HPSE2: variants seen among roughly 807,000 people sequenced by gnomAD.
HPSE2 encodes inactive heparanase-2.
A neutral mutation model predicts 60.5 loss-of-function variants in HPSE2; 38 were observed. That is an observed-to-expected ratio of 0.63 (90% confidence interval 0.48 to 0.82). The LOEUF (loss-of-function observed/expected upper bound fraction) is 0.82, where lower values mean the gene tolerates loss of function less well. Among genes scored for constraint, HPSE2 ranks in the 40% least tolerant of loss-of-function variants. HPSE2 has a pLI of 0.00. For synonymous variants in HPSE2, 295 were observed against 293.2 expected (o/e 1.01, Z -0.06); for missense variants, 713 against 740.4 (o/e 0.96, Z 0.43).
chr10:98,561,037 C>A (rs150996456), intron 9 of HPSE2, among the ~76,000 whole-genome samples: 36 of 152,226 alleles, frequency 2.4e-4, no homozygotes, highest in African/African-American at 8.2e-4. Context: ...CAGCCTCAGG[C>A]AGATCCTCCA....
At chr10:98,658,077 TA>T (rs370988209) in intron 6 of HPSE2, among the ~76,000 whole-genome samples, 85 of 152,142 alleles carry the variant, frequency 5.6e-4, no homozygotes, top group African/African-American at 1.9e-3. Context: ...CATCAGAGTG[TA>T]TATGGTTTGA....
chr10:98,874,969 C>A (rs886841111), intron 3 of HPSE2, among the ~76,000 whole-genome samples: 6 of 151,804 alleles, frequency 4.0e-5, no homozygotes, highest in African/African-American at 1.5e-4. Context: ...CTGACTTGAT[C>A]GTGGTGGATA....
chr10:99,293,116 C>T, the HPSE2 span, among the ~76,000 whole-genome samples: 1 of 152,032 alleles, frequency 6.6e-6, no homozygotes, highest in African/African-American at 2.4e-5. Context: ...ACTTAGCTAC[C>T]CATACCCCAC....
intron 3 of HPSE2, among the ~76,000 whole-genome samples, chr10:98,789,135 T>C (rs1950600437): frequency 6.6e-6 from 1 of 152,196 alleles, no homozygotes; most frequent in African/African-American, 2.4e-5. Context: ...TACAGCCCGG[T>C]GATACAGGGC....
rs114899345 is a variant in HPSE2 at position 98,583,898 on chromosome 10, T to C, written c.1320+31006A>G. ...ACATACCACATTTCATTTACCTCTT[T>C]ATCACCAGTTGATGAACATTTGGGC... On this transcript the variant is annotated intron_variant, in intron 9 of 11. Transcript: ENST00000370552. Among the ~76,000 whole-genome samples the C allele has an allele frequency of 3.4e-3, 524 of 152,312 alleles. 3 individuals are homozygous for C. Among genetic ancestry groups the C allele is most frequent in the African/African-American group, 0.012 (497 of 41,560 alleles).
At chr10:98,971,129 CCATT>C (rs1275914309) in intron 3 of HPSE2, among the ~76,000 whole-genome samples, 1 of 152,174 alleles carries the variant, frequency 6.6e-6, no homozygotes, top group African/African-American at 2.4e-5. Context: ...ATTCATCCAT[CCATT>C]CATTTATTCA....
the HPSE2 span, among the ~76,000 whole-genome samples, chr10:99,301,395 C>T: frequency 6.6e-6 from 1 of 152,118 alleles, no homozygotes; most frequent in Non-Finnish European, 1.5e-5. Context: ...ATCAGGTATC[C>T]CCCCATATAG....
chr10:99,306,990 G>T, the HPSE2 span, among the ~76,000 whole-genome samples: 1 of 152,198 alleles, frequency 6.6e-6, no homozygotes, highest in Non-Finnish European at 1.5e-5. Context: ...GATTACAGGT[G>T]TGAGCCACCA....
chr10:99,299,087 A>C, the HPSE2 span, among the ~76,000 whole-genome samples: 130,420 of 152,040 alleles, frequency 0.86, 56,323 homozygotes, highest in African/African-American at 0.93. Context: ...TCCTAGATGA[A>C]CCCCTCCTAG....
At chr10:98,892,779 T>C (rs1051635038) in intron 3 of HPSE2, among the ~76,000 whole-genome samples, 2 of 152,228 alleles carry the variant, frequency 1.3e-5, no homozygotes, top group African/African-American at 4.8e-5. Context: ...CCAAGAATTG[T>C]GACTAACTTC....
chr10:98,794,872 T>C (rs1384266313), intron 3 of HPSE2, among the ~76,000 whole-genome samples: 1 of 149,918 alleles, frequency 6.7e-6, no homozygotes, highest in Non-Finnish European at 1.5e-5. Context: ...ATGTTAATTG[T>C]AAAACTAGAA....
At chr10:99,010,939 G>A (rs1000261861) in intron 3 of HPSE2, among the ~76,000 whole-genome samples, 6 of 151,954 alleles carry the variant, frequency 3.9e-5, no homozygotes, top group African/African-American at 1.5e-4. Context: ...TTGCTGTACA[G>A]ATTATTTCAT....
chr10:99,278,570 G>T, the HPSE2 span, among the ~76,000 whole-genome samples: 4 of 152,106 alleles, frequency 2.6e-5, no homozygotes. Flanking sequence ...TAAAAAGGAG[G>T]CTGAGAAATA....
chr10:98,544,832 C>T (rs1213567616), intron 9 of HPSE2, among the ~76,000 whole-genome samples: 3 of 150,124 alleles, frequency 2.0e-5, no homozygotes, highest in Non-Finnish European at 4.4e-5. Context: ...AATAGAGACA[C>T]AAAAAACCCT....
chr10:99,183,092 C>T (rs976195947), intron 2 of HPSE2, among the ~76,000 whole-genome samples: 1 of 152,048 alleles, frequency 6.6e-6, no homozygotes, highest in African/African-American at 2.4e-5. Flanking sequence ...CTATGAGTAC[C>T]CCCACCTCAA....
chr10:99,252,362 G>A, the HPSE2 span, among the ~76,000 whole-genome samples: 2 of 151,318 alleles, frequency 1.3e-5, no homozygotes, highest in Non-Finnish European at 1.5e-5. Context: ...CCAAATAGGG[G>A]AAAAAAAAGA....
chr10:99,258,578 C>G, the HPSE2 span, among the ~76,000 whole-genome samples: 1 of 152,210 alleles, frequency 6.6e-6, no homozygotes, highest in East Asian at 1.9e-4. Context: ...ACAGGCAAAA[C>G]CAGTCTGAAA....
At chr10:98,767,456 G>T (rs1950144825) in intron 3 of HPSE2, among the ~76,000 whole-genome samples, 1 of 149,984 alleles carries the variant, frequency 6.7e-6, no homozygotes. Flanking sequence ...AATTTATTAT[G>T]GAAATACATT....
At chr10:98,707,043 A>C (rs1363629070) in intron 5 of HPSE2, among the ~76,000 whole-genome samples, 1 of 152,078 alleles carries the variant, frequency 6.6e-6, no homozygotes, top group Non-Finnish European at 1.5e-5. Context: ...ATACTGGTGA[A>C]GATAAGCTGG....
Sources: allele counts gnomAD v4.1 joint callset (sites outside exome capture counted in the v4.1 genomes callset), GRCh38; gene constraint gnomAD v4.1.1; transcripts MANE v1.5; gene names NCBI Gene and HGNC (gene_info 2026-07-23, HGNC 2026-07-21).